The following NAA60 variants were observed in gnomAD, a reference collection of about 807,000 sequenced individuals.
The protein encoded by NAA60 is N-alpha-acetyltransferase 60, NatF catalytic subunit.
A neutral mutation model predicts 26.1 loss-of-function variants in NAA60; 8 were observed. The ratio of observed to expected loss-of-function variants is 0.31; its 90% CI spans 0.18 to 0.55. NAA60 has a LOEUF of 0.55. NAA60 is among the 20% of genes least tolerant of loss of function. The pLI is 0.93. For synonymous variants in NAA60, 131 were observed against 122.5 expected, an observed-to-expected ratio of 1.07 and a Z score of -0.46; for missense variants, 290 against 311.3, an observed-to-expected ratio of 0.93 and a Z score of 0.51.
At chr16:3,444,907 C>T (rs1432777065) in intron 1 of NAA60, among the ~76,000 whole-genome samples, 3 of 152,192 alleles carry the variant, frequency 2.0e-5, no homozygotes, top group Non-Finnish European at 4.4e-5. Flanking sequence ...AGGACCTAGC[C>T]TCCCTTGATA....
At chr16:3,464,320 T>C (rs2035601587) in intron 2 of NAA60, among the ~76,000 whole-genome samples, 1 of 152,142 alleles carries the variant, frequency 6.6e-6, no homozygotes, top group African/African-American at 2.4e-5. Flanking sequence ...GCTAGATTTA[T>C]ATTTGATAGT....
At chr16:3,450,922 A>G (rs919132305) in intron 2 of NAA60, among the ~76,000 whole-genome samples, 5 of 152,200 alleles carry the variant, frequency 3.3e-5, no homozygotes, top group Non-Finnish European at 5.9e-5. Flanking sequence ...TTTCAAGGCC[A>G]TTGTAAATTA....
chr16:3,465,627 A>G (rs1272529155), intron 2 of NAA60, among the ~76,000 whole-genome samples: 1 of 152,078 alleles, frequency 6.6e-6, no homozygotes, highest in Admixed American at 6.5e-5. Flanking sequence ...TGCAGTTTCG[A>G]GGAGGATGCA....
intron 2 of NAA60, among the ~76,000 whole-genome samples, chr16:3,469,711 T>C (rs754930637): frequency 2.0e-5 from 3 of 152,188 alleles, no homozygotes; most frequent in Non-Finnish European, 4.4e-5. Flanking sequence ...CTCCCTGTTA[T>C]CAGCACTCTT....
intron 1 of NAA60, among the ~76,000 whole-genome samples, chr16:3,445,498 C>G (rs2034515787): frequency 6.6e-6 from 1 of 151,238 alleles, no homozygotes; most frequent in South Asian, 2.1e-4. Flanking sequence ...CCAGGATGGT[C>G]TCGATCTCGT....
chr16:3,481,345 G>C (rs1239961941), intron 4 of NAA60, among the ~76,000 whole-genome samples: 2 of 152,096 alleles, frequency 1.3e-5, no homozygotes, highest in African/African-American at 4.8e-5. Context: ...CTGCCTCGCG[G>C]GAGTGCTAGG....
chr16:3,454,210 G>A (rs1471885142), intron 2 of NAA60, among the ~76,000 whole-genome samples: 2 of 152,202 alleles, frequency 1.3e-5, no homozygotes, highest in African/African-American at 2.4e-5. Context: ...GGCTGAAAGA[G>A]GGTTGTGCAG....
At chr16:3,477,031 T>A (rs1022024171) in intron 3 of NAA60, among the ~76,000 whole-genome samples, 5 of 151,690 alleles carry the variant, frequency 3.3e-5, no homozygotes, top group Non-Finnish European at 4.4e-5. Flanking sequence ...ACAAGAGCGA[T>A]ATTCCGTTTC....
rs75093195 is a variant in NAA60, at chr16:3,461,800, C to T, written c.-7+13260C>T. Among the ~76,000 whole-genome samples the T allele has an allele frequency of 3.0e-3, 452 of 152,204 alleles. 4 individuals carry two copies. The highest frequency in any genetic ancestry group is 0.01 in the African/African-American group (429 of 41,524). ...AAGGCATTTTCTCGTGTTTGACAAA[C>T]CATGTTAAAAAAATATTCTTGGCCA... is the stretch of plus-strand genomic sequence containing the variant. On this transcript the variant is annotated intron_variant, in intron 2 of 7. Transcript: ENST00000407558.
At chr16:3,455,624 T>C (rs2150953528) in intron 2 of NAA60, among the ~76,000 whole-genome samples, 1 of 151,610 alleles carries the variant, frequency 6.6e-6, no homozygotes, top group East Asian at 2.0e-4. Flanking sequence ...CTTGATCTCC[T>C]GACCTCGTGA....
intron 2 of NAA60, among the ~76,000 whole-genome samples, chr16:3,468,806 T>A (rs1277172254): frequency 6.6e-6 from 1 of 152,192 alleles, no homozygotes; most frequent in Non-Finnish European, 1.5e-5. Flanking sequence ...CCGGGCTCGG[T>A]AGCTCATGCC....
At position 3,443,766 on chromosome 16, in the gene NAA60, A is replaced by C. The variant is rs1316837153; in HGVS notation, c.-148A>C. The stretch of plus-strand genomic sequence containing the variant: ...TCTTAGGGTGACCCCAGGGGGACGT[A>C]ATGTTTCCGAGAAGAAGGACAGAAA... On this transcript the variant is annotated 5_prime_UTR_variant, in exon 1 of 8. Coordinates refer to ENST00000407558, the MANE Select transcript of NAA60 (RefSeq NM_001083601.3). 3 of 1,533,776 alleles carry C rather than the reference A, an allele frequency of 2.0e-6. No homozygotes were observed. The highest frequency in any genetic ancestry group is 2.6e-6 in the Non-Finnish European group (3 of 1,145,838).
chr16:3,455,938 C>G (rs1354342391), intron 2 of NAA60, among the ~76,000 whole-genome samples: 2 of 151,880 alleles, frequency 1.3e-5, no homozygotes, highest in African/African-American at 4.8e-5. Flanking sequence ...ATATCTTGAC[C>G]TCATGGTTCA....
At chr16:3,459,985 G>A (rs1371989254) in intron 2 of NAA60, among the ~76,000 whole-genome samples, 3 of 152,358 alleles carry the variant, frequency 2.0e-5, no homozygotes, top group African/African-American at 7.2e-5. Context: ...AGGAGACCAG[G>A]AGGGATTGTG....
At chr16:3,443,905 G>A (rs1341485036) in intron 1 of NAA60, 68 bp downstream of exon 1, 5 of 1,475,808 alleles carry the variant, frequency 3.4e-6, no homozygotes, top group Non-Finnish European at 4.5e-6. Context: ...TGATTGAGAG[G>A]GCGGGGGTTC....
chr16:3,471,338 A>T (rs530042974), intron 2 of NAA60, among the ~76,000 whole-genome samples: 1 of 151,860 alleles, frequency 6.6e-6, no homozygotes, highest in African/African-American at 2.4e-5. Flanking sequence ...CATCTCTACT[A>T]AAAATACCAA....
chr16:3,463,363 C>T (rs2035533951), intron 2 of NAA60, among the ~76,000 whole-genome samples: 1 of 150,788 alleles, frequency 6.6e-6, no homozygotes, highest in African/African-American at 2.5e-5. Flanking sequence ...GCCTGGCCAA[C>T]ATGGTGAAAC....
In NAA60 at chr16:3,482,496, C is replaced by T; in HGVS notation, c.241-6C>T. 6.3e-7 allele frequency: 1 copy of T among 1,592,170 alleles called. No homozygotes were observed. The highest frequency in any genetic ancestry group is 8.6e-7 in the Non-Finnish European group (1 of 1,168,288). ...AGCCTGACTTTCTCTCTGACTCTTC[C>T]TCTAGGATGGAGATATTCTAGCATC... On this transcript the variant is annotated splice_region_variant and splice_polypyrimidine_tract_variant and intron_variant, in intron 4 of 7. Transcript: ENST00000407558.
intron 2 of NAA60, among the ~76,000 whole-genome samples, chr16:3,455,121 G>A (rs1434097585): frequency 4.0e-5 from 6 of 151,668 alleles, no homozygotes; most frequent in Middle Eastern, 3.5e-3. Context: ...GTGCGATCTC[G>A]GCTCGCTGCA....
Sources: gnomAD v4.1 joint callset for allele counts (sites outside exome capture counted in the v4.1 genomes callset) on GRCh38, gnomAD v4.1.1 for gene constraint, MANE v1.5 for transcripts, NCBI Gene and HGNC (gene_info 2026-07-23, HGNC 2026-07-21) for gene names.